Variants in NEK10 observed in about 807,000 individuals in gnomAD.
NEK10 encodes the protein NIMA related kinase 10, also known as serine/threonine-protein kinase Nek10.
Under a neutral mutation model 159.8 loss-of-function variants are expected in NEK10, and 122 were observed. That is an observed-to-expected ratio of 0.76 (90% CI 0.66 to 0.89). NEK10 has a LOEUF of 0.89. Ranked by LOEUF, NEK10 falls within the 40% of genes least tolerant of loss-of-function variation. NEK10 has a pLI of 0.00. For missense variants in NEK10, 1,342 were observed against 1,323.1 expected, an observed-to-expected ratio of 1.01 and a Z score of -0.22; for synonymous variants, 466 against 457.1, an observed-to-expected ratio of 1.02 and a Z score of -0.25.
chr3:27,363,050 T>C (rs573820419), intron 1 of NEK10, among the ~76,000 whole-genome samples: 4 of 152,286 alleles, frequency 2.6e-5, no homozygotes, highest in Non-Finnish European at 4.4e-5. Flanking sequence ...CTGCGTGCAA[T>C]TGGCGCTCCT....
At chr3:27,143,752 C>A (rs1388207846) in intron 30 of NEK10, among the ~76,000 whole-genome samples, 1 of 152,142 alleles carries the variant, frequency 6.6e-6, no homozygotes, top group Non-Finnish European at 1.5e-5. Flanking sequence ...GAGCCACCAC[C>A]CATCACAGCC....
chr3:27,326,708 G>A (rs1469407823), intron 5 of NEK10, among the ~76,000 whole-genome samples: 2 of 152,074 alleles, frequency 1.3e-5, no homozygotes, highest in African/African-American at 2.4e-5. Context: ...TTTGCAATTT[G>A]GGAACTGAAG....
intron 20 of NEK10, among the ~76,000 whole-genome samples, chr3:27,287,051 G>C (rs1403453815): frequency 1.3e-5 from 2 of 150,678 alleles, no homozygotes; most frequent in Middle Eastern, 6.9e-3. Flanking sequence ...CATTCTTCAA[G>C]TGGAGATTTA....
chr3:27,123,413 T>C lies in NEK10; in HGVS notation c.3082-3545A>G, dbSNP rs566018949. 2.2e-4 allele frequency among the ~76,000 whole-genome samples: 33 copies of C among 152,148 alleles called. No homozygotes were observed. The South Asian group carries it at 4.6e-3, about 21-fold the overall frequency. ...GGTAGGGGGAACTTGGAGGTAAAGG[T>C]TGGGCATTGCATATTAATGGAAAAA... On this transcript the variant is annotated intron_variant, in intron 32 of 35. Transcript: ENST00000691995.
chr3:27,336,196 G>T (rs2046789885), intron 5 of NEK10, among the ~76,000 whole-genome samples: 1 of 151,984 alleles, frequency 6.6e-6, no homozygotes. Context: ...AAATACAAAA[G>T]ATCATCAGAG....
chr3:27,322,206 T>A lies in NEK10; in HGVS notation c.418A>T (p.Arg140Trp). The A allele has an allele frequency of 1.3e-6, 2 of 1,566,304 alleles. No individual in the cohort carries two copies. Among genetic ancestry groups the A allele is most frequent in the Non-Finnish European group, 1.7e-6 (2 of 1,151,414 alleles). Residue 140 changes from arginine (R) to tryptophan (W), a missense_variant, in exon 6 of 36, where the codon AGG becomes TGG. Arg to Trp is a moderately radical substitution (Grantham distance 101, BLOSUM62 -3). Transcript: ENST00000691995. ...IHFLRVLICL[R>W]LLMRDPCYQE... is the part of the protein sequence containing the mutation. ...TAACATGGATCCCTCATTAGTAGCCTCAGACAGATTAACACTCTCAGAAAA... is the reference window on the plus strand; with the variant it reads ...TAACATGGATCCCTCATTAGTAGCCACAGACAGATTAACACTCTCAGAAAA...
intron 23 of NEK10, among the ~76,000 whole-genome samples, chr3:27,202,895 C>A (rs1950174708): frequency 1.3e-5 from 2 of 152,150 alleles, no homozygotes; most frequent in South Asian, 4.1e-4. Context: ...TTCTGTACAT[C>A]CCATCCTTGT....
chr3:27,140,081 C>T (rs1456463426), intron 31 of NEK10, among the ~76,000 whole-genome samples: 1 of 152,158 alleles, frequency 6.6e-6, no homozygotes, highest in Non-Finnish European at 1.5e-5. Context: ...ATTTAGAATG[C>T]CTTAGCCAAC....
chr3:27,315,470 C>A, intron 6 of NEK10, among the ~76,000 whole-genome samples: 1 of 152,144 alleles, frequency 6.6e-6, no homozygotes, highest in East Asian at 1.9e-4. Context: ...CTATGACTAC[C>A]TACTAATTTG....
At chr3:27,291,139 A>G (rs2042964362) in intron 18 of NEK10, 123 bp downstream of exon 18, 1 of 930,226 alleles carries the variant, frequency 1.1e-6, no homozygotes, top group Non-Finnish European at 1.6e-6. Context: ...CAATCATTCT[A>G]ATTTTCATAT....
At chr3:27,254,063 T>C (rs1955928455) in intron 23 of NEK10, among the ~76,000 whole-genome samples, 1 of 151,998 alleles carries the variant, frequency 6.6e-6, no homozygotes, top group South Asian at 2.1e-4. Flanking sequence ...CAACCTCTCA[T>C]CCGGTGCGCA....
chr3:27,200,537 A>C (rs942302965), intron 25 of NEK10, among the ~76,000 whole-genome samples: 1 of 152,230 alleles, frequency 6.6e-6, no homozygotes, highest in African/African-American at 2.4e-5. Context: ...TCATACAAGC[A>C]ATATTTATTA....
rs547896808 is a variant in NEK10 at position 27,159,973 on chromosome 3, C to A, written c.2869+2728G>T. Among the ~76,000 whole-genome samples the A allele has an allele frequency of 2.2e-4, 33 of 151,190 alleles. 1 individual carries two copies. The East Asian group carries it at 6.2e-3, about 28-fold the overall frequency. ...GCTCTGATTTTGGCAAAATTCTCCC[C>A]TTTCTGCTTTTTCCGGAACATTTAG... On this transcript the variant is annotated intron_variant, in intron 30 of 35. Transcript: ENST00000691995.
chr3:27,282,762 ATT>A (rs1273812310), intron 22 of NEK10, among the ~76,000 whole-genome samples: 1 of 140,784 alleles, frequency 7.1e-6, no homozygotes, highest in East Asian at 2.0e-4. Flanking sequence ...TATATATACT[ATT>A]TGTTATAAAA....
At chr3:27,139,276 T>C (rs941953159) in intron 31 of NEK10, among the ~76,000 whole-genome samples, 2 of 152,148 alleles carry the variant, frequency 1.3e-5, no homozygotes, top group African/African-American at 2.4e-5. Context: ...CAATTAAAAA[T>C]AGCTTGCCAC....
At chr3:27,234,636 A>G (rs186986701) in intron 23 of NEK10, among the ~76,000 whole-genome samples, 54 of 152,330 alleles carry the variant, frequency 3.5e-4, no homozygotes, top group Admixed American at 2.7e-3. Flanking sequence ...ATGGAAAAAC[A>G]TTCCATGTTC....
At chr3:27,155,267 G>T (rs1350864303) in intron 30 of NEK10, among the ~76,000 whole-genome samples, 2 of 152,056 alleles carry the variant, frequency 1.3e-5, no homozygotes, top group Non-Finnish European at 2.9e-5. Context: ...AGTTTGGGAG[G>T]CCAAGGTGGG....
intron 16 of NEK10, among the ~76,000 whole-genome samples, chr3:27,292,877 T>G (rs942269802): frequency 6.6e-6 from 1 of 152,178 alleles, no homozygotes; most frequent in African/African-American, 2.4e-5. Context: ...GCACTTGATC[T>G]CAGCCAAAAG....
intron 23 of NEK10, among the ~76,000 whole-genome samples, chr3:27,228,683 GC>G (rs1240515436): frequency 1.3e-5 from 2 of 152,104 alleles, no homozygotes; most frequent in East Asian, 3.9e-4. Flanking sequence ...AATGATTGTA[GC>G]CCCACAGGAG....
Sources: gnomAD v4.1 joint callset for allele counts (sites outside exome capture counted in the v4.1 genomes callset) on GRCh38, gnomAD v4.1.1 for gene constraint, MANE v1.5 for transcripts, NCBI Gene and HGNC (gene_info 2026-07-23, HGNC 2026-07-21) for gene names.